Variants in MEIS1 observed in about 807,000 individuals in gnomAD.
MEIS1 encodes the protein homeobox protein Meis1.
A neutral mutation model predicts 50.8 loss-of-function variants in MEIS1; 5 were observed. The ratio of observed to expected loss-of-function variants is 0.10; its 90% CI spans 0.05 to 0.21. The LOEUF (loss-of-function observed/expected upper bound fraction) is 0.21. MEIS1 is among the 10% of genes least tolerant of loss of function. The probability of loss-of-function intolerance (pLI) is 1.00; values close to 1 mark genes in which losing one functional copy is unlikely to be tolerated. For missense variants in MEIS1, 318 were observed against 517.3 expected (o/e 0.61, Z 3.74); for synonymous variants, 176 against 179.3 (o/e 0.98, Z 0.15).
At chr2:66,522,858 C>T (rs1674159794) in intron 8 of MEIS1, among the ~76,000 whole-genome samples, 1 of 152,182 alleles carries the variant, frequency 6.6e-6, no homozygotes, top group South Asian at 2.1e-4. Context: ...CTGTAATCAC[C>T]AGCTCATAAA....
At chr2:66,440,418 G>A (rs900294794) in intron 3 of MEIS1, 144 bp from the exon 4 acceptor site, 3 of 711,878 alleles carry the variant, frequency 4.2e-6, no homozygotes, top group South Asian at 1.6e-5. Context: ...GGACGAACTC[G>A]GTGTCACCGG....
At chr2:66,487,277 A>G (rs1673165797) in intron 7 of MEIS1, among the ~76,000 whole-genome samples, 1 of 152,192 alleles carries the variant, frequency 6.6e-6, no homozygotes, top group Non-Finnish European at 1.5e-5. Context: ...GAAAAATAGA[A>G]CAAGTTGTAC....
At chr2:66,487,445 G>T (rs1045627075) in intron 7 of MEIS1, among the ~76,000 whole-genome samples, 1 of 152,114 alleles carries the variant, frequency 6.6e-6, no homozygotes, top group African/African-American at 2.4e-5. Context: ...GATTTCTGAG[G>T]AGATAGATAT....
chr2:66,508,790 C>A (rs1673748839), intron 7 of MEIS1: 2 of 312,770 alleles, frequency 6.4e-6, no homozygotes, highest in Admixed American at 8.9e-5. Context: ...ATGGCATTTC[C>A]TCATAGCATC....
At chr2:66,480,000 A>G (rs182077422) in intron 7 of MEIS1, among the ~76,000 whole-genome samples, 329 of 152,348 alleles carry the variant, frequency 2.2e-3, no homozygotes, top group African/African-American at 7.0e-3. Context: ...ATTTCTGTGC[A>G]TAAACGGTGG....
At chr2:66,443,519 C>G (rs749746358) in intron 6 of MEIS1, 1 of 170,880 alleles carries the variant, frequency 5.9e-6, no homozygotes, top group African/African-American at 2.4e-5. Context: ...CAAATGCTGG[C>G]TATTTTCTCC....
chr2:66,513,373 C>T (rs1352450766), intron 8 of MEIS1, among the ~76,000 whole-genome samples: 10 of 152,054 alleles, frequency 6.6e-5, no homozygotes, highest in South Asian at 2.1e-4. Context: ...GTCATAAACA[C>T]TTGCAGAGCC....
chr2:66,448,685 T>G, intron 6 of MEIS1, among the ~76,000 whole-genome samples: 1 of 152,170 alleles, frequency 6.6e-6, no homozygotes. Context: ...AAAGTTTTAA[T>G]AAATGATCAT....
chr2:66,464,106 C>T lies in MEIS1; in HGVS notation c.631-3C>T. ...TTTGGGTTTCTGATTTGTGCCCCCA[C>T]AGCCCTCTTGGAACAGAGATCATGA... On this transcript the variant is annotated splice_polypyrimidine_tract_variant and splice_region_variant and intron_variant, in intron 6 of 12. Transcript: ENST00000272369. 6.3e-7 allele frequency: 1 copy of T among 1,588,814 alleles called. No individual in the cohort carries two copies. Among genetic ancestry groups the T allele is most frequent in the East Asian group, 2.3e-5 (1 of 43,646 alleles).
At chr2:66,498,192 C>T (rs1283620178) in intron 7 of MEIS1, among the ~76,000 whole-genome samples, 2 of 152,112 alleles carry the variant, frequency 1.3e-5, no homozygotes, top group African/African-American at 2.4e-5. Context: ...ACTAGCAAAA[C>T]AAACATAAGA....
chr2:66,448,758 C>T (rs1408796590), intron 6 of MEIS1, among the ~76,000 whole-genome samples: 1 of 151,960 alleles, frequency 6.6e-6, no homozygotes, highest in Non-Finnish European at 1.5e-5. Context: ...CGGCATACAG[C>T]CAAATTGCTA....
At chr2:66,446,277 CAGTTGCTAG>C (rs1672143400) in intron 6 of MEIS1, among the ~76,000 whole-genome samples, 4 of 152,314 alleles carry the variant, frequency 2.6e-5, no homozygotes, top group Middle Eastern at 3.4e-3. Flanking sequence ...CCTGGCCACC[CAGTTGCTAG>C]ACTTTAGGCC....
chr2:66,553,586 G>C (rs2103943417), intron 9 of MEIS1, among the ~76,000 whole-genome samples: 1 of 152,348 alleles, frequency 6.6e-6, no homozygotes, highest in East Asian at 1.9e-4. Flanking sequence ...GTATTATTAG[G>C]AAAGCTGAGC....
In MEIS1 at chr2:66,437,913, G is replaced by T; in HGVS notation, c.189G>T (p.Met63Ile). 1 of 1,604,256 alleles carries T rather than the reference G, an allele frequency of 6.2e-7. No homozygotes were observed. The highest frequency in any genetic ancestry group is 8.5e-7 in the Non-Finnish European group (1 of 1,175,296). ...ATACCAACGCCATGGCCCCCAGCAT[G>T]GGCTCCTCTGTCAATGACGCTTTAA... ...TAHTNAMAPSMGSSVNDALKR... is the reference protein window; with the variant it reads ...TAHTNAMAPSIGSSVNDALKR... Residue 63 changes from methionine (M) to isoleucine (I), a missense_variant, in exon 2 of 13, where the codon ATG (methionine) becomes ATT (isoleucine). Coordinates refer to ENST00000272369, the MANE Select transcript of MEIS1 (RefSeq NM_002398.3).
At chr2:66,568,815 A>T in intron 11 of MEIS1, 59 bp downstream of exon 11, 1 of 1,432,852 alleles carries the variant, frequency 7.0e-7, no homozygotes. Context: ...TCATCCCCTC[A>T]TCAACACAGG....
chr2:66,459,435 A>G (rs1345847439), intron 6 of MEIS1, among the ~76,000 whole-genome samples: 1 of 152,192 alleles, frequency 6.6e-6, no homozygotes, highest in Non-Finnish European at 1.5e-5. Context: ...CATTCATTCA[A>G]CAAATGTTTC....
At chr2:66,463,349 T>G (rs1672563615) in intron 6 of MEIS1, among the ~76,000 whole-genome samples, 1 of 152,178 alleles carries the variant, frequency 6.6e-6, no homozygotes, top group Non-Finnish European at 1.5e-5. Flanking sequence ...TAAAAGCTAA[T>G]TAAAATCTTT....
chr2:66,544,617 G>T (rs909594295), intron 8 of MEIS1, among the ~76,000 whole-genome samples: 1 of 151,958 alleles, frequency 6.6e-6, no homozygotes, highest in Non-Finnish European at 1.5e-5. Context: ...ATTTGTCCAG[G>T]CTCATTCATT....
At chr2:66,568,936 A>G (rs1675418727) in intron 11 of MEIS1, 114 bp from the exon 12 acceptor site, 9 of 1,119,534 alleles carry the variant, frequency 8.0e-6, no homozygotes, top group Non-Finnish European at 1.2e-5. Context: ...TGCACTGAAG[A>G]TCTCACTATT....
Sources: gnomAD v4.1 joint callset for allele counts (sites outside exome capture counted in the v4.1 genomes callset) on GRCh38, gnomAD v4.1.1 for gene constraint, MANE v1.5 for transcripts, NCBI Gene and HGNC (gene_info 2026-07-23, HGNC 2026-07-21) for gene names.